The following AGBL4 variants were observed in gnomAD, a reference collection of about 807,000 sequenced individuals.
AGBL4 encodes the protein AGBL carboxypeptidase 4.
AGBL4 carries 58 observed loss-of-function variants against 66.4 expected under a neutral mutation model. The ratio of observed to expected loss-of-function variants is 0.87; its 90% CI spans 0.71 to 1.09. AGBL4 has a LOEUF of 1.09. Among genes scored for constraint, AGBL4 ranks in the 50% least tolerant of loss-of-function variants. The pLI, the probability that AGBL4 is intolerant of heterozygous loss-of-function variation, is 0.00. For missense variants in AGBL4, 579 were observed against 631.0 expected, an observed-to-expected ratio of 0.92 and a Z score of 0.88; for synonymous variants, 234 against 222.9, an observed-to-expected ratio of 1.05 and a Z score of -0.44.
At chr1:49,269,749 A>G (rs1178032171) in intron 3 of AGBL4, among the ~76,000 whole-genome samples, 1 of 152,014 alleles carries the variant, frequency 6.6e-6, no homozygotes, top group Admixed American at 6.6e-5. Context: ...TCTGCATCCC[A>G]TTGGGGGTTA....
chr1:49,254,623 T>G lies in AGBL4; in HGVS notation c.283-8759A>C, dbSNP rs183513932. Among the ~76,000 whole-genome samples, 247 of 152,206 alleles carry G rather than the reference T, an allele frequency of 1.6e-3. 1 individual carries two copies. Among genetic ancestry groups the G allele is most frequent in the African/African-American group, 5.6e-3 (231 of 41,564 alleles). Reference sequence around the variant, plus strand: ...TTTATGGATTCAATGCTATTCCTATTAAACTACCATTGAGATTCTTCACAG... The same window carrying G: ...TTTATGGATTCAATGCTATTCCTATGAAACTACCATTGAGATTCTTCACAG... On this transcript the variant is annotated intron_variant, in intron 3 of 13. Coordinates refer to ENST00000371839, the MANE Select transcript of AGBL4 (RefSeq NM_032785.4).
chr1:49,502,557 G>A (rs1164314896), intron 3 of AGBL4, among the ~76,000 whole-genome samples: 1 of 151,960 alleles, frequency 6.6e-6, no homozygotes, highest in African/African-American at 2.4e-5. Context: ...AGACTTGGAG[G>A]GCTAAGAAGA....
At chr1:49,018,137 C>A (rs879506871) in intron 5 of AGBL4, among the ~76,000 whole-genome samples, 20 of 152,194 alleles carry the variant, frequency 1.3e-4, no homozygotes, top group African/African-American at 4.3e-4. Flanking sequence ...GCCTTTGATT[C>A]TGCAGGCACT....
chr1:49,546,635 T>TGTAGTGC (rs1172580661), intron 3 of AGBL4, among the ~76,000 whole-genome samples: 1 of 152,150 alleles, frequency 6.6e-6, no homozygotes, highest in African/African-American at 2.4e-5. Context: ...AGTGCAGAAG[T>TGTAGTGC]ATTCCCTGAT....
intron 3 of AGBL4, among the ~76,000 whole-genome samples, chr1:49,297,134 C>T (rs1039375732): frequency 6.6e-6 from 1 of 152,194 alleles, no homozygotes; most frequent in South Asian, 2.1e-4. Context: ...TTTTGTCAAT[C>T]CCTAGTTTCT....
At chr1:48,588,798 C>CAGAGAAGAGAAGAGAAGAGA (rs547681818) in intron 10 of AGBL4, among the ~76,000 whole-genome samples, 1,587 of 113,156 alleles carry the variant, frequency 0.014, 30 homozygotes, top group Middle Eastern at 0.026. Flanking sequence ...CATTGAGGAT[C>CAGAGAAGAGAAGAGAAGAGA]AGAGAAGAGA....
At chr1:49,416,219 T>A (rs569498407) in intron 3 of AGBL4, among the ~76,000 whole-genome samples, 169 of 152,298 alleles carry the variant, frequency 1.1e-3, no homozygotes, top group African/African-American at 3.8e-3. Flanking sequence ...AGATGATATT[T>A]ATACATGTGG....
chr1:49,464,416 C>G (rs1233355881), intron 3 of AGBL4, among the ~76,000 whole-genome samples: 1 of 151,674 alleles, frequency 6.6e-6, no homozygotes, highest in African/African-American at 2.4e-5. Flanking sequence ...GGAACTTTGG[C>G]AAGGATTACA....
intron 2 of AGBL4, among the ~76,000 whole-genome samples, chr1:49,837,280 G>C (rs1027082778): frequency 6.6e-6 from 1 of 152,194 alleles, no homozygotes; most frequent in Non-Finnish European, 1.5e-5. Flanking sequence ...TAGAGATGCA[G>C]TCTGGCTATA....
chr1:49,546,863 C>T (rs1157563685), intron 3 of AGBL4, among the ~76,000 whole-genome samples: 5 of 151,766 alleles, frequency 3.3e-5, no homozygotes, highest in Non-Finnish European at 7.4e-5. Flanking sequence ...TTGTTTTTTT[C>T]TTATTGATTT....
intron 1 of AGBL4, among the ~76,000 whole-genome samples, chr1:50,007,497 T>A (rs1427830140): frequency 6.6e-6 from 1 of 152,150 alleles, no homozygotes; most frequent in African/African-American, 2.4e-5. Flanking sequence ...GCACGGTGGC[T>A]CACATCCATA....
intron 6 of AGBL4, among the ~76,000 whole-genome samples, chr1:48,805,849 G>C (rs962541351): frequency 6.6e-6 from 1 of 152,146 alleles, no homozygotes; most frequent in Non-Finnish European, 1.5e-5. Flanking sequence ...TGCAGAGAAA[G>C]AATAAGAGAA....
chr1:48,855,459 C>T (rs553047472), intron 6 of AGBL4, among the ~76,000 whole-genome samples: 59 of 152,348 alleles, frequency 3.9e-4, no homozygotes, highest in African/African-American at 1.3e-3. Flanking sequence ...TTTAACTAAT[C>T]GTCCGAGTAA....
Position 49,915,414 on chromosome 1 carries a change from CA to C in AGBL4, c.35-63897del, listed in dbSNP as rs552585687. Among the ~76,000 whole-genome samples the C allele has an allele frequency of 3.9e-5, 6 of 152,314 alleles. No homozygotes were observed. The East Asian group carries it at 9.7e-4, about 25-fold the overall frequency. On this transcript the variant is annotated intron_variant, in intron 1 of 13. Coordinates refer to ENST00000371839, the MANE Select transcript of AGBL4 (RefSeq NM_032785.4). ...TACTGTGCTTTTCCAATGGTCTTAACAAACGGCACACCAAGAGATTATATCC... is the reference window on the plus strand; with the variant it reads ...TACTGTGCTTTTCCAATGGTCTTAACAACGGCACACCAAGAGATTATATCC...
At chr1:48,898,346 C>T (rs1236174494) in intron 5 of AGBL4, among the ~76,000 whole-genome samples, 2 of 152,090 alleles carry the variant, frequency 1.3e-5, no homozygotes, top group Non-Finnish European at 2.9e-5. Context: ...GTTGTCTGTG[C>T]TTTTGAGGTC....
intron 2 of AGBL4, among the ~76,000 whole-genome samples, chr1:49,786,066 T>G (rs1052935588): frequency 1.3e-5 from 2 of 151,942 alleles, no homozygotes; most frequent in African/African-American, 4.8e-5. Context: ...TTACAAAATA[T>G]TCCAGAAAAC....
chr1:49,761,020 G>C (rs986957267), intron 2 of AGBL4, among the ~76,000 whole-genome samples: 19 of 152,154 alleles, frequency 1.2e-4, no homozygotes, highest in South Asian at 8.3e-4. Context: ...GGGCCTGTTG[G>C]GGGGTGGGGG....
chr1:48,801,617 G>A (rs2148743898), intron 6 of AGBL4, among the ~76,000 whole-genome samples: 1 of 152,244 alleles, frequency 6.6e-6, no homozygotes, highest in Middle Eastern at 3.4e-3. Flanking sequence ...TCCTTCTTCT[G>A]TGTTCTGGAT....
chr1:48,697,189 G>A (rs1009201275), intron 6 of AGBL4, among the ~76,000 whole-genome samples: 4 of 152,110 alleles, frequency 2.6e-5, no homozygotes, highest in Non-Finnish European at 5.9e-5. Flanking sequence ...ATTCTGAAGG[G>A]CCAGGGAGCT....
Sources: gnomAD v4.1 joint callset for allele counts (sites outside exome capture counted in the v4.1 genomes callset) on GRCh38, gnomAD v4.1.1 for gene constraint, MANE v1.5 for transcripts, NCBI Gene and HGNC (gene_info 2026-07-23, HGNC 2026-07-21) for gene names.